Variants in ST13 observed in about 807,000 individuals in gnomAD.
ST13 encodes the protein hsc70-interacting protein.
In ST13, 23 loss-of-function variants were observed where a neutral mutation model predicts 56.7. That is an observed-to-expected ratio of 0.41 (90% confidence interval 0.29 to 0.57). The LOEUF (loss-of-function observed/expected upper bound fraction) is 0.57, where lower values mean the gene tolerates loss of function less well. Ranked by LOEUF, ST13 falls within the 20% of genes least tolerant of loss-of-function variation. The probability of loss-of-function intolerance (pLI) is 0.36; values close to 1 mark genes in which losing one functional copy is unlikely to be tolerated. For synonymous variants in ST13, 132 were observed against 142.4 expected, an observed-to-expected ratio of 0.93 and a Z score of 0.52; for missense variants, 369 against 459.9, an observed-to-expected ratio of 0.80 and a Z score of 1.81.
At chr22:40,828,551 T>C (rs1812660116) in intron 10 of ST13, among the ~76,000 whole-genome samples, 1 of 151,740 alleles carries the variant, frequency 6.6e-6, no homozygotes, top group African/African-American at 2.4e-5. Flanking sequence ...AGGCGGAGCT[T>C]GCAGTGAGCC....
intron 5 of ST13, among the ~76,000 whole-genome samples, chr22:40,836,155 T>A (rs1018980974): frequency 1.3e-5 from 2 of 152,040 alleles, no homozygotes; most frequent in African/African-American, 4.8e-5. Context: ...ATTGATCTTG[T>A]TTAAGGAAAA....
At chr22:40,831,250 C>T (rs2057752439) in intron 8 of ST13, among the ~76,000 whole-genome samples, 1 of 152,202 alleles carries the variant, frequency 6.6e-6, no homozygotes, top group African/African-American at 2.4e-5. Flanking sequence ...CAATTCTTGC[C>T]TGCTAGTTTC....
intron 5 of ST13, 70 bp from the exon 6 acceptor site, chr22:40,835,957 T>G: frequency 8.4e-7 from 1 of 1,197,152 alleles, no homozygotes; most frequent in East Asian, 2.5e-5. Flanking sequence ...TTTGATCTGT[T>G]ATCCAGTTAA....
At chr22:40,836,242 A>T (rs1048275810) in intron 5 of ST13, among the ~76,000 whole-genome samples, 17 of 152,206 alleles carry the variant, frequency 1.1e-4, no homozygotes, top group Non-Finnish European at 2.4e-4. Flanking sequence ...TGAGGTCAGG[A>T]GATCGAGACC....
chr22:40,835,757 G>A lies in ST13; in HGVS notation c.467+46C>T, dbSNP rs775807730. On this transcript the variant is annotated intron_variant, in intron 6 of 11. Transcript: ENST00000216218. ...GAAGCAACTCTATTTAAACAAATGT[G>A]CAGAAATTATTTGCCAGGGGATGCT... is the stretch of plus-strand genomic sequence containing the variant. The A allele has an allele frequency of 5.6e-6, 9 of 1,598,504 alleles. No homozygotes were observed. The African/African-American group carries it at 1.2e-4, about 21-fold the overall frequency.
chr22:40,852,301 T>A (rs1229051006), intron 1 of ST13, among the ~76,000 whole-genome samples: 1 of 152,198 alleles, frequency 6.6e-6, no homozygotes, highest in African/African-American at 2.4e-5. Flanking sequence ...TGCAGTTGAG[T>A]CCCTTTTCAT....
chr22:40,844,457 A>AT (rs35518429), intron 4 of ST13, among the ~76,000 whole-genome samples: 3 of 151,904 alleles, frequency 2.0e-5, no homozygotes, highest in African/African-American at 4.8e-5. Flanking sequence ...AATATATAGA[A>AT]TTTTTTTTAA....
chr22:40,855,224 G>A (rs533953054), intron 1 of ST13, among the ~76,000 whole-genome samples: 3 of 152,278 alleles, frequency 2.0e-5, no homozygotes, highest in African/African-American at 7.2e-5. Flanking sequence ...GGGAGGCGGG[G>A]GAGTCCCTTG....
chr22:40,844,660 A>G (rs2057821888), intron 4 of ST13, among the ~76,000 whole-genome samples, 179 bp downstream of exon 4: 1 of 152,260 alleles, frequency 6.6e-6, no homozygotes, highest in African/African-American at 2.4e-5. Flanking sequence ...ACAGAAAGTA[A>G]CAGTATTTAT....
At chr22:40,853,118 G>A (rs1461584560) in intron 1 of ST13, among the ~76,000 whole-genome samples, 2 of 152,140 alleles carry the variant, frequency 1.3e-5, no homozygotes, top group South Asian at 2.1e-4. Context: ...TTTCAGAATG[G>A]AGACTACGTG....
At chr22:40,840,320 A>G (rs917792930) in intron 5 of ST13, among the ~76,000 whole-genome samples, 1 of 150,998 alleles carries the variant, frequency 6.6e-6, no homozygotes, top group Non-Finnish European at 1.5e-5. Context: ...GTTAAGGGTC[A>G]CTGTTCTACT....
At chr22:40,854,277 CCT>C (rs2057876956) in intron 1 of ST13, among the ~76,000 whole-genome samples, 1 of 152,102 alleles carries the variant, frequency 6.6e-6, no homozygotes, top group African/African-American at 2.4e-5. Context: ...AACGCAAAGG[CCT>C]CAGAGTTTAT....
chr22:40,838,911 T>A (rs115624735), intron 5 of ST13, among the ~76,000 whole-genome samples: 286 of 139,672 alleles, frequency 2.0e-3, no homozygotes, highest in East Asian at 4.0e-3. Context: ...ATAGCATAAA[T>A]AAAAAAAAAA....
In ST13 at chr22:40,830,868, G is replaced by A. The variant is rs200058732; in HGVS notation, c.770C>T (p.Ala257Val). The part of the protein sequence containing the change: ...IKERIERVKK[A>V]REEHERAQRE... Reference sequence around the variant, plus strand: ...CTGGGCTCTCTCATGCTCTTCTCGAGCCTTCTTAACTCGTTCTATTCTTTC... The same window carrying A: ...CTGGGCTCTCTCATGCTCTTCTCGAACCTTCTTAACTCGTTCTATTCTTTC... Residue 257 changes from alanine (A) to valine (V), a missense_variant, in exon 9 of 12, where the codon GCT becomes GTT. Coordinates refer to ENST00000216218, the MANE Select transcript of ST13 (RefSeq NM_003932.5). 192 of 1,607,788 alleles carry A rather than the reference G, an allele frequency of 1.2e-4. No individual in the cohort carries two copies. The highest frequency in any genetic ancestry group is 1.3e-4 in the Non-Finnish European group (152 of 1,179,008).
chr22:40,844,752 C>A, intron 4 of ST13, 87 bp downstream of exon 4: 1 of 1,155,678 alleles, frequency 8.7e-7, no homozygotes, highest in South Asian at 1.4e-5. Flanking sequence ...TGCGCTTTTC[C>A]TGGAAGAATC....
intron 7 of ST13, 107 bp downstream of exon 7, chr22:40,835,453 G>A (rs1181563618): frequency 1.3e-5 from 12 of 937,304 alleles, no homozygotes; most frequent in Non-Finnish European, 2.0e-5. Flanking sequence ...ACACTAATTT[G>A]AAAATTAAGT....
At chr22:40,853,091 G>C (rs1372394503) in intron 1 of ST13, among the ~76,000 whole-genome samples, 1 of 152,132 alleles carries the variant, frequency 6.6e-6, no homozygotes, top group African/African-American at 2.4e-5. Flanking sequence ...GAAAGTCAAG[G>C]AAAGACTGAG....
intron 7 of ST13, among the ~76,000 whole-genome samples, chr22:40,833,635 G>A (rs2057764282): frequency 6.6e-6 from 1 of 151,956 alleles, no homozygotes; most frequent in African/African-American, 2.4e-5. Flanking sequence ...TAGCACTTTG[G>A]GAGGCTGAGG....
rs775678284 is a variant in ST13, at chr22:40,830,852, C to A, written c.786G>T (p.Glu262Asp). ...ATAGGAAATTTACCCTCTGGGCTCT[C>A]TCATGCTCTTCTCGAGCCTTCTTAA... ...ERVKKAREEH[E>D]RAQREEEARR... The change falls in exon 9 of 12, where the codon GAG (glutamate) becomes GAT (aspartate). Residue 262 changes from glutamate (E) to aspartate (D), a missense_variant. By Grantham distance (45) the Glu-to-Asp change is conservative. Transcript: ENST00000216218. 1.9e-6 allele frequency: 3 copies of A among 1,607,216 alleles called. No homozygotes were observed. The highest frequency in any genetic ancestry group is 2.5e-6 in the Non-Finnish European group (3 of 1,178,128).
Sources: allele counts gnomAD v4.1 joint callset (sites outside exome capture counted in the v4.1 genomes callset), GRCh38; gene constraint gnomAD v4.1.1; transcripts MANE v1.5; gene names NCBI Gene and HGNC (gene_info 2026-07-23, HGNC 2026-07-21).